PHACTR3: variants seen among roughly 807,000 people sequenced by gnomAD.
PHACTR3 encodes the protein phosphatase and actin regulator 3.
PHACTR3 carries 16 observed loss-of-function variants against 66.8 expected under a neutral mutation model. The ratio of observed to expected loss-of-function variants is 0.24; its 90% confidence interval spans 0.16 to 0.36. PHACTR3 has a LOEUF of 0.36. PHACTR3 is among the 10% of genes least tolerant of loss of function. The probability of loss-of-function intolerance (pLI) is 1.00; values close to 1 mark genes in which losing one functional copy is unlikely to be tolerated. For synonymous variants in PHACTR3, 323 were observed against 292.1 expected, an observed-to-expected ratio of 1.11 and a Z score of -1.08; for missense variants, 647 against 719.9, an observed-to-expected ratio of 0.90 and a Z score of 1.16.
intron 1 of PHACTR3, among the ~76,000 whole-genome samples, chr20:59,700,841 G>A (rs1196003711): frequency 6.6e-6 from 1 of 152,144 alleles, no homozygotes; most frequent in East Asian, 1.9e-4. Context: ...CTAGGCAGGA[G>A]TGCACTGGCA....
At chr20:59,578,317 C>T (rs1361579046) in intron 1 of PHACTR3, among the ~76,000 whole-genome samples, 1 of 152,212 alleles carries the variant, frequency 6.6e-6, no homozygotes, top group Non-Finnish European at 1.5e-5. Flanking sequence ...GCCATGGGTG[C>T]ATGAGTACCA....
intron 7 of PHACTR3, among the ~76,000 whole-genome samples, chr20:59,801,080 G>C (rs1351596353): frequency 6.6e-6 from 1 of 152,148 alleles, no homozygotes; most frequent in Non-Finnish European, 1.5e-5. Flanking sequence ...GGGTTCAAGG[G>C]ACCCTCTGCA....
intron 11 of PHACTR3, chr20:59,844,846 C>A (rs2059122711): frequency 6.0e-6 from 1 of 166,792 alleles, no homozygotes; most frequent in Admixed American, 6.3e-5. Context: ...ATGTTCCCAA[C>A]ACATAGAAAT....
intron 5 of PHACTR3, among the ~76,000 whole-genome samples, chr20:59,769,062 C>T (rs544704088): frequency 6.6e-6 from 1 of 152,302 alleles, no homozygotes; most frequent in South Asian, 2.1e-4. Flanking sequence ...CAGCTGTTCT[C>T]CCTGACAGAA....
chr20:59,623,410 A>G (rs1266086507), intron 1 of PHACTR3, among the ~76,000 whole-genome samples: 1 of 152,194 alleles, frequency 6.6e-6, no homozygotes, highest in Non-Finnish European at 1.5e-5. Context: ...TGTTACATGT[A>G]TGTATTCAAC....
intron 1 of PHACTR3, among the ~76,000 whole-genome samples, chr20:59,733,072 CT>C (rs35384852): frequency 0.047 from 6,022 of 127,828 alleles, 111 homozygotes; most frequent in Non-Finnish European, 0.057. Flanking sequence ...AAATTCACTC[CT>C]TTTTTTTTTT....
chr20:59,791,117 T>C (rs2041079784), intron 7 of PHACTR3, among the ~76,000 whole-genome samples: 1 of 152,170 alleles, frequency 6.6e-6, no homozygotes, highest in South Asian at 2.1e-4. Context: ...TGAAATTTAA[T>C]TGCCATTATA....
intron 4 of PHACTR3, among the ~76,000 whole-genome samples, chr20:59,764,633 G>T (rs1022092829): frequency 6.6e-6 from 1 of 152,154 alleles, no homozygotes; most frequent in African/African-American, 2.4e-5. Context: ...TGTAATTGAG[G>T]CCGGGTGAGC....
At position 59,814,097 on chromosome 20, in the gene PHACTR3, G is replaced by A. The variant is rs1321378673; in HGVS notation, c.1328+7903G>A. Reference sequence around the variant, plus strand: ...AAGCTGGTGGGAAATGGCAGATGAGGAGGCCTGGCTCTCCCGAGAAGCAGC... The same window carrying A: ...AAGCTGGTGGGAAATGGCAGATGAGAAGGCCTGGCTCTCCCGAGAAGCAGC... On this transcript the variant is annotated intron_variant, in intron 8 of 12. Transcript: ENST00000371015. 1.1e-4 allele frequency among the ~76,000 whole-genome samples: 16 copies of A among 152,354 alleles called. No homozygotes were observed. The East Asian group carries it at 2.9e-3, about 28-fold the overall frequency.
chr20:59,607,844 G>C (rs1205038665), intron 1 of PHACTR3, among the ~76,000 whole-genome samples: 9 of 152,154 alleles, frequency 5.9e-5, no homozygotes, highest in Admixed American at 5.2e-4. Flanking sequence ...CAATTTTTCA[G>C]TTTAGCCATT....
At chr20:59,605,196 A>T in intron 1 of PHACTR3, 64 bp downstream of exon 1, 1 of 1,162,858 alleles carries the variant, frequency 8.6e-7, no homozygotes, top group African/African-American at 1.6e-5. Context: ...CGCTGAGAGC[A>T]GGACCCCGCG....
intron 8 of PHACTR3, among the ~76,000 whole-genome samples, chr20:59,833,706 GC>G (rs1416904424): frequency 6.6e-6 from 1 of 152,136 alleles, no homozygotes; most frequent in Non-Finnish European, 1.5e-5. Flanking sequence ...ATTGTCTTGA[GC>G]CACACACAAA....
chr20:59,619,900 C>G (rs1236970924), intron 1 of PHACTR3, among the ~76,000 whole-genome samples: 2 of 152,138 alleles, frequency 1.3e-5, no homozygotes, highest in Admixed American at 6.5e-5. Flanking sequence ...TCCTGATCTG[C>G]GAAATGGGCT....
At chr20:59,786,083 G>A (rs940982759) in intron 7 of PHACTR3, among the ~76,000 whole-genome samples, 4 of 152,324 alleles carry the variant, frequency 2.6e-5, no homozygotes, top group Non-Finnish European at 2.9e-5. Flanking sequence ...GAGTCAGTTC[G>A]GTGTTTTGCC....
upstream of PHACTR3, among the ~76,000 whole-genome samples, chr20:59,602,184 G>A (rs1455187812): frequency 1.3e-5 from 2 of 152,200 alleles, no homozygotes; most frequent in African/African-American, 2.4e-5. Flanking sequence ...GCCAAGAGTG[G>A]ACTCAGGTAT....
At chr20:59,652,172 A>G (rs2146452946) in intron 1 of PHACTR3, among the ~76,000 whole-genome samples, 1 of 152,306 alleles carries the variant, frequency 6.6e-6, no homozygotes, top group East Asian at 1.9e-4. Context: ...TGTTCTATTC[A>G]GGCCTCTATC....
chr20:59,739,478 C>A (rs1202376082), intron 1 of PHACTR3, among the ~76,000 whole-genome samples: 1 of 152,148 alleles, frequency 6.6e-6, no homozygotes, highest in African/African-American at 2.4e-5. Flanking sequence ...AGAAAACTTA[C>A]AATCATGGCA....
intron 4 of PHACTR3, among the ~76,000 whole-genome samples, chr20:59,762,974 G>A (rs1426132906): frequency 6.6e-6 from 1 of 152,206 alleles, no homozygotes; most frequent in African/African-American, 2.4e-5. Flanking sequence ...ACAGCTGGTG[G>A]GTCATGGAAC....
chr20:59,826,715 G>A (rs143172506), intron 8 of PHACTR3, among the ~76,000 whole-genome samples: 202 of 152,256 alleles, frequency 1.3e-3, no homozygotes, highest in African/African-American at 4.6e-3. Context: ...TACGCCTGCT[G>A]TCTCTGCTTC....
Sources: allele counts gnomAD v4.1 joint callset (sites outside exome capture counted in the v4.1 genomes callset), GRCh38; gene constraint gnomAD v4.1.1; transcripts MANE v1.5; gene names NCBI Gene and HGNC (gene_info 2026-07-23, HGNC 2026-07-21).